Variants in CRYBG1 observed in about 807,000 individuals in gnomAD.
CRYBG1 encodes beta/gamma crystallin domain-containing protein 1.
Under a neutral mutation model 189.2 loss-of-function variants are expected in CRYBG1, and 139 were observed. The observed-to-expected ratio is 0.73, with a 90% CI of 0.64 to 0.85. The LOEUF is 0.85. CRYBG1 is among the 40% of genes least tolerant of loss of function. The probability of loss-of-function intolerance (pLI) is 0.00; values close to 1 mark genes in which losing one functional copy is unlikely to be tolerated. For missense variants in CRYBG1, 2,611 were observed against 2,675.8 expected (o/e 0.98, Z 0.53); for synonymous variants, 1,023 against 1,017.1 (o/e 1.01, Z -0.11).
rs762864335 is a variant in CRYBG1, at chr6:106,512,034, CG to C, written c.920del (p.Gly307GlufsTer3). 3.9e-5 allele frequency: 60 copies of C among 1,530,080 alleles called. No homozygotes were observed. The highest frequency in any genetic ancestry group is 1.8e-4 in the South Asian group (15 of 83,390). The allele number at this position is 1,530,080 out of a possible 1,614,324, so 94.8% of individuals were successfully genotyped here. On this transcript the variant is annotated frameshift_variant, in exon 3 of 22. Coordinates refer to ENST00000633556, the MANE Select transcript of CRYBG1 (RefSeq NM_001371242.2). LOFTEE classifies it high-confidence loss of function. ...APGSPTQERP[A>X]GGLGEAPNGA... Reference sequence around the variant, plus strand: ...GGGTCGCCCACCCAGGAGCGGCCCGCGGGAGGACTAGGCGAGGCCCCTAACG... The same window carrying C: ...GGGTCGCCCACCCAGGAGCGGCCCGCGGAGGACTAGGCGAGGCCCCTAACG...
chr6:106,538,527 G>A (rs1261345182), intron 8 of CRYBG1, among the ~76,000 whole-genome samples: 3 of 152,192 alleles, frequency 2.0e-5, no homozygotes, highest in Non-Finnish European at 4.4e-5. Flanking sequence ...TCACAGTGAT[G>A]ATCCTGAGTA....
At chr6:106,515,386 T>C (rs756567342) in intron 3 of CRYBG1, among the ~76,000 whole-genome samples, 6 of 152,360 alleles carry the variant, frequency 3.9e-5, no homozygotes, top group Non-Finnish European at 7.4e-5. Context: ...CTGATCTTCG[T>C]GTAAATCTTT....
chr6:106,438,656 G>A (rs1428765743), intron 1 of CRYBG1, among the ~76,000 whole-genome samples: 1 of 152,080 alleles, frequency 6.6e-6, no homozygotes, highest in Non-Finnish European at 1.5e-5. Context: ...TTTAAGCAGA[G>A]AATCAAAGTT....
At chr6:106,487,527 G>C (rs1223724917) in intron 2 of CRYBG1, among the ~76,000 whole-genome samples, 1 of 152,042 alleles carries the variant, frequency 6.6e-6, no homozygotes, top group Non-Finnish European at 1.5e-5. Flanking sequence ...TCTCTTTCTA[G>C]TCTGTTGTTG....
At chr6:106,434,657 A>G (rs1490259523) in intron 1 of CRYBG1, among the ~76,000 whole-genome samples, 1 of 152,216 alleles carries the variant, frequency 6.6e-6, no homozygotes, top group Non-Finnish European at 1.5e-5. Flanking sequence ...TCTCTATTGC[A>G]ACTGCTCAAC....
rs777887660 is a variant in CRYBG1 at position 106,520,890 on chromosome 6, A to T, written c.3682A>T (p.Thr1228Ser). Residue 1228 changes from threonine (T) to serine (S), a missense_variant, in exon 4 of 22, where the codon ACA becomes TCA. Physicochemically the swap from Thr to Ser is moderately conservative, Grantham distance 58. Coordinates refer to ENST00000633556, the MANE Select transcript of CRYBG1 (RefSeq NM_001371242.2). ...EINDKENRDV[T>S]NGGIKRSRLE... ...CAATGACAAAGAGAACAGGGACGTC[A>T]CAAATGGTGGCATTAAGAGATCGAG... 123 of 1,614,116 alleles carry T rather than the reference A, an allele frequency of 7.6e-5. No homozygotes were observed. The highest frequency in any genetic ancestry group is 9.6e-5 in the Non-Finnish European group (113 of 1,180,058).
rs1287569917 is a variant in CRYBG1 at position 106,519,942 on chromosome 6, G to C, written c.2734G>C (p.Val912Leu). 12 of 1,614,148 alleles carry C rather than the reference G, an allele frequency of 7.4e-6. No homozygotes were observed. The highest frequency in any genetic ancestry group is 9.3e-6 in the Non-Finnish European group (11 of 1,180,030). ...AGTGTCAGAAAACCATAAAGGATGT[G>C]TTTTGCCTGTGTCTCGTCAGAACAA... ...LKVSENHKGCVLPVSRQNNEK... is the reference protein window; with the variant it reads ...LKVSENHKGCLLPVSRQNNEK... The change falls in exon 4 of 22, where the codon GTT becomes CTT. Residue 912 changes from valine (V) to leucine (L), a missense_variant. By Grantham distance (32) the Val-to-Leu change is conservative. Around this residue, in one of 3 missense-constraint regions of CRYBG1, gnomAD observed 1,622 missense variants for 1,735.0 expected, o/e 0.93. Coordinates refer to ENST00000633556, the MANE Select transcript of CRYBG1 (RefSeq NM_001371242.2).
At chr6:106,552,413 C>G in intron 15 of CRYBG1, 197 bp downstream of exon 15, 2 of 277,544 alleles carry the variant, frequency 7.2e-6, no homozygotes, top group Non-Finnish European at 1.4e-5. Flanking sequence ...TGGGGAAACC[C>G]CGTCTTTACT....
At chr6:106,557,175 G>A (rs184089462) in intron 17 of CRYBG1, among the ~76,000 whole-genome samples, 22 of 152,296 alleles carry the variant, frequency 1.4e-4, no homozygotes, top group African/African-American at 5.1e-4. Context: ...CAATAAAAGT[G>A]CAAAGTAGTA....
intron 21 of CRYBG1, among the ~76,000 whole-genome samples, chr6:106,566,131 G>A (rs1351276430): frequency 6.7e-6 from 1 of 148,952 alleles, no homozygotes; most frequent in African/African-American, 2.5e-5. Flanking sequence ...CACACTATGT[G>A]CCAGGCTCGG....
chr6:106,410,880 G>T (rs1383722191), intron 1 of CRYBG1, among the ~76,000 whole-genome samples: 1 of 152,080 alleles, frequency 6.6e-6, no homozygotes, highest in African/African-American at 2.4e-5. Flanking sequence ...GCTAGGGGAG[G>T]GATAGCATTA....
intron 1 of CRYBG1, among the ~76,000 whole-genome samples, chr6:106,435,604 ATATTT>A (rs763222184): frequency 4.5e-4 from 54 of 120,256 alleles, no homozygotes; most frequent in Admixed American, 2.0e-3. Context: ...TTAATTAATT[ATATTT>A]ATTTATTTTT....
intron 4 of CRYBG1, among the ~76,000 whole-genome samples, chr6:106,523,490 G>C (rs1773656471): frequency 6.6e-6 from 1 of 151,974 alleles, no homozygotes; most frequent in Non-Finnish European, 1.5e-5. Flanking sequence ...CAAGTCAAAT[G>C]ACATAAAAAG....
intron 1 of CRYBG1, among the ~76,000 whole-genome samples, chr6:106,382,002 T>G (rs970620485): frequency 4.6e-5 from 7 of 152,136 alleles, no homozygotes; most frequent in Non-Finnish European, 7.4e-5. Flanking sequence ...GAAACACCTC[T>G]AAGAGACACT....
chr6:106,558,403 G>T, intron 17 of CRYBG1, 83 bp from the exon 18 acceptor site: 1 of 1,243,600 alleles, frequency 8.0e-7, no homozygotes, highest in African/African-American at 1.5e-5. Context: ...TTTGTGCTTT[G>T]TCCTTGTAAC....
chr6:106,448,707 A>C (rs1771718784), intron 1 of CRYBG1, among the ~76,000 whole-genome samples: 1 of 152,214 alleles, frequency 6.6e-6, no homozygotes, highest in Non-Finnish European at 1.5e-5. Flanking sequence ...GATAGAATGC[A>C]CATCGACATC....
chr6:106,397,614 C>A (rs186504621), intron 1 of CRYBG1, among the ~76,000 whole-genome samples: 1 of 152,140 alleles, frequency 6.6e-6, no homozygotes, highest in Admixed American at 6.5e-5. Context: ...GACCAAGGAA[C>A]ACAGAGTTCA....
chr6:106,479,779 T>C (rs959913406), intron 2 of CRYBG1, among the ~76,000 whole-genome samples: 1 of 152,246 alleles, frequency 6.6e-6, no homozygotes, highest in East Asian at 1.9e-4. Flanking sequence ...TTATTTGTAT[T>C]TTAATTGCTG....
intron 11 of CRYBG1, among the ~76,000 whole-genome samples, chr6:106,543,959 G>A (rs900225664): frequency 6.6e-6 from 1 of 152,208 alleles, no homozygotes; most frequent in Non-Finnish European, 1.5e-5. Flanking sequence ...GGCTGAGGCA[G>A]GAGAATCGCT....
Sources: gnomAD v4.1 joint callset for allele counts (sites outside exome capture counted in the v4.1 genomes callset) on GRCh38, gnomAD v4.1.1 for gene constraint, gnomAD v4.1.1 regional missense constraint, MANE v1.5 for transcripts, NCBI Gene and HGNC (gene_info 2026-07-23, HGNC 2026-07-21) for gene names.